Variants in PRKCE observed in about 807,000 individuals in gnomAD.
The protein encoded by PRKCE is protein kinase C epsilon type.
PRKCE carries 16 observed loss-of-function variants against 85.4 expected under a neutral mutation model. The ratio of observed to expected loss-of-function variants is 0.19; its 90% CI spans 0.13 to 0.28. The LOEUF (loss-of-function observed/expected upper bound fraction) is 0.28, where lower values mean the gene tolerates loss of function less well. Among genes scored for constraint, PRKCE ranks in the 10% least tolerant of loss-of-function variants. PRKCE has a pLI of 1.00. For missense variants in PRKCE, 573 were observed against 975.2 expected (o/e 0.59, Z 5.49); for synonymous variants, 388 against 371.5 (o/e 1.04, Z -0.51).
chr2:45,919,229 A>G (rs934913357), intron 2 of PRKCE, among the ~76,000 whole-genome samples: 3 of 152,168 alleles, frequency 2.0e-5, no homozygotes, highest in Non-Finnish European at 2.9e-5. Context: ...CGTACGGACA[A>G]CCTGTCAAGG....
intron 1 of PRKCE, among the ~76,000 whole-genome samples, chr2:45,736,349 A>G (rs531242600): frequency 2.6e-5 from 4 of 152,282 alleles, no homozygotes; most frequent in East Asian, 1.9e-4. Context: ...GAGCTATTAC[A>G]TGATAGGCGG....
intron 2 of PRKCE, among the ~76,000 whole-genome samples, chr2:45,881,612 T>C (rs1694896427): frequency 1.3e-5 from 2 of 152,242 alleles, no homozygotes; most frequent in Non-Finnish European, 2.9e-5. Context: ...AACTATGTGA[T>C]GTTTATTCTC....
intron 14 of PRKCE, among the ~76,000 whole-genome samples, chr2:46,181,206 C>A (rs1679944881): frequency 6.6e-6 from 1 of 152,204 alleles, no homozygotes; most frequent in Non-Finnish European, 1.5e-5. Flanking sequence ...TTTGACGATG[C>A]TGTGCTGCCT....
chr2:46,130,439 G>A (rs939049346), intron 11 of PRKCE, among the ~76,000 whole-genome samples: 12 of 152,022 alleles, frequency 7.9e-5, no homozygotes, highest in Admixed American at 6.6e-4. Context: ...ATATAGAAAC[G>A]TTGAGAGTTA....
At chr2:46,173,242 T>A (rs141229048) in intron 14 of PRKCE, among the ~76,000 whole-genome samples, 19 of 152,350 alleles carry the variant, frequency 1.2e-4, no homozygotes, top group Non-Finnish European at 2.4e-4. Context: ...TAAAGTTTTA[T>A]CGGAACACAG....
Position 45,925,343 on chromosome 2 carries a change from A to T in PRKCE, c.413-51086A>T, listed in dbSNP as rs1157879077. 2.0e-5 allele frequency among the ~76,000 whole-genome samples: 3 copies of T among 151,632 alleles called. No individual in the cohort carries two copies. In the East Asian group the frequency reaches 5.8e-4, roughly 30 times the overall value. ...AGACAGTTTGCTCTTGTCACCCAGG[A>T]TGGATTGCGATGGCATGATCTTGGC... On this transcript the variant is annotated intron_variant, in intron 2 of 14. Coordinates refer to ENST00000306156, the MANE Select transcript of PRKCE (RefSeq NM_005400.3).
intron 11 of PRKCE, among the ~76,000 whole-genome samples, chr2:46,120,599 T>G (rs1405080450): frequency 1.3e-5 from 2 of 152,206 alleles, no homozygotes; most frequent in Non-Finnish European, 2.9e-5. Flanking sequence ...TACAGCCATA[T>G]TTGCAGGTTT....
chr2:45,741,468 A>G (rs776999422), intron 1 of PRKCE, among the ~76,000 whole-genome samples: 4 of 53,998 alleles, frequency 7.4e-5, no homozygotes, highest in Non-Finnish European at 1.9e-4. Flanking sequence ...CAGTAGCACC[A>G]GAATGGGGCC....
chr2:45,834,575 C>T (rs796983299), intron 1 of PRKCE, among the ~76,000 whole-genome samples: 8 of 151,006 alleles, frequency 5.3e-5, no homozygotes, highest in African/African-American at 1.5e-4. Context: ...GTGCAGATCA[C>T]GTGTGCGCAT....
chr2:45,729,459 G>A (rs1681375946), intron 1 of PRKCE, among the ~76,000 whole-genome samples: 3 of 152,064 alleles, frequency 2.0e-5, no homozygotes, highest in Admixed American at 2.0e-4. Flanking sequence ...GCCCTCCCTG[G>A]AGCCTCCATC....
intron 9 of PRKCE, among the ~76,000 whole-genome samples, chr2:46,009,087 A>G (rs1407327873): frequency 6.6e-6 from 1 of 152,230 alleles, no homozygotes; most frequent in Non-Finnish European, 1.5e-5. Context: ...GTTTGTAGGT[A>G]AATGAGTGCA....
At position 45,977,409 on chromosome 2, in the gene PRKCE, C is replaced by T. The variant is rs138843158; in HGVS notation, c.572+821C>T. ...CCCAGCACTTTGGGAGGCCGAGGCA[C>T]GCAGATTGCTTGAGGTCAGGAGTTT... On this transcript the variant is annotated intron_variant, in intron 3 of 14. Transcript: ENST00000306156. 2.4e-3 allele frequency among the ~76,000 whole-genome samples: 365 copies of T among 152,010 alleles called. 1 individual carries two copies. Among genetic ancestry groups the T allele is most frequent in the Non-Finnish European group, 3.7e-3 (252 of 67,970 alleles).
intron 14 of PRKCE, among the ~76,000 whole-genome samples, chr2:46,182,260 C>T (rs1246247936): frequency 6.6e-6 from 1 of 152,142 alleles, no homozygotes; most frequent in Non-Finnish European, 1.5e-5. Context: ...TCAGTGAATC[C>T]CTCCCCCTTC....
intron 1 of PRKCE, among the ~76,000 whole-genome samples, chr2:45,823,113 G>C (rs983583722): frequency 1.3e-5 from 2 of 152,222 alleles, no homozygotes; most frequent in African/African-American, 2.4e-5. Flanking sequence ...TACTGAAGTT[G>C]TTCCTTGCTG....
intron 1 of PRKCE, among the ~76,000 whole-genome samples, chr2:45,800,244 T>C (rs994687412): frequency 5.9e-5 from 9 of 151,904 alleles, no homozygotes; most frequent in African/African-American, 1.9e-4. Flanking sequence ...CAGCTGGGGG[T>C]CAGGGTGTTT....
intron 11 of PRKCE, among the ~76,000 whole-genome samples, chr2:46,087,034 A>G (rs938352222): frequency 6.6e-6 from 1 of 152,206 alleles, no homozygotes; most frequent in Admixed American, 6.5e-5. Context: ...GAATTCTGGG[A>G]GGAGTAAATA....
intron 2 of PRKCE, among the ~76,000 whole-genome samples, chr2:45,935,620 C>G (rs1699387339): frequency 6.6e-6 from 1 of 152,068 alleles, no homozygotes; most frequent in Non-Finnish European, 1.5e-5. Context: ...AACCCCATCT[C>G]TACTAAAAAT....
intron 1 of PRKCE, among the ~76,000 whole-genome samples, chr2:45,727,410 G>A (rs1480734899): frequency 6.6e-6 from 1 of 152,212 alleles, no homozygotes; most frequent in Non-Finnish European, 1.5e-5. Context: ...TAATGGGAGA[G>A]ATCACTGGGG....
At chr2:45,842,339 C>G (rs1032424972) in intron 1 of PRKCE, among the ~76,000 whole-genome samples, 14 of 152,154 alleles carry the variant, frequency 9.2e-5, no homozygotes, top group African/African-American at 3.1e-4. Flanking sequence ...TTTATCAGTT[C>G]TTCTCTGTCC....
Sources: gnomAD v4.1 joint callset for allele counts (sites outside exome capture counted in the v4.1 genomes callset) on GRCh38, gnomAD v4.1.1 for gene constraint, MANE v1.5 for transcripts, NCBI Gene and HGNC (gene_info 2026-07-23, HGNC 2026-07-21) for gene names.